Variants in ZNF330 observed in about 807,000 individuals in gnomAD.
ZNF330 encodes zinc finger protein 330.
In ZNF330, 31 loss-of-function variants were observed where a neutral mutation model predicts 45.5. The observed-to-expected ratio is 0.68, with a 90% CI of 0.51 to 0.92. The LOEUF (loss-of-function observed/expected upper bound fraction) is 0.92, where lower values mean the gene tolerates loss of function less well. ZNF330 is among the 40% of genes least tolerant of loss of function. The pLI is 0.00. For missense variants in ZNF330, 356 were observed against 387.4 expected (o/e 0.92, Z 0.68); for synonymous variants, 138 against 123.2 (o/e 1.12, Z -0.79).
At chr4:141,232,696 G>T in intron 9 of ZNF330, 54 bp downstream of exon 9, 20 of 926,062 alleles carry the variant, frequency 2.2e-5, no homozygotes, top group Non-Finnish European at 2.9e-5. Flanking sequence ...CTTAGACAAA[G>T]TTTATCTTTT....
chr4:141,229,015 C>T (rs1258382445), intron 5 of ZNF330, among the ~76,000 whole-genome samples: 2 of 151,908 alleles, frequency 1.3e-5, no homozygotes, highest in South Asian at 2.1e-4. Flanking sequence ...TATTTTACTT[C>T]AAATTTTTTC....
intron 3 of ZNF330, 41 bp from the exon 4 acceptor site, chr4:141,224,566 T>C (rs1480002967): frequency 1.2e-6 from 2 of 1,608,902 alleles, no homozygotes; most frequent in Non-Finnish European, 8.5e-7. Flanking sequence ...ACTTTTTATC[T>C]GACATTGACC....
At chr4:141,230,069 A>G in intron 6 of ZNF330, 97 bp from the exon 7 acceptor site, 1 of 887,336 alleles carries the variant, frequency 1.1e-6, no homozygotes, top group Non-Finnish European at 1.7e-6. Flanking sequence ...GTGTATCTCC[A>G]AAGTAACTTA....
intron 7 of ZNF330, among the ~76,000 whole-genome samples, chr4:141,231,017 A>G (rs1257116067): frequency 6.6e-6 from 1 of 152,050 alleles, no homozygotes; most frequent in Non-Finnish European, 1.5e-5. Flanking sequence ...TCTTCCTTTA[A>G]TTTGGTTCTT....
intron 7 of ZNF330, among the ~76,000 whole-genome samples, chr4:141,231,166 TA>T (rs1728944017): frequency 6.6e-6 from 1 of 152,126 alleles, no homozygotes. Flanking sequence ...ATTCTTGCAA[TA>T]TTTATATATA....
In ZNF330 at chr4:141,233,892, A is replaced by C; in HGVS notation, c.866A>C (p.Lys289Thr). 1.2e-6 allele frequency: 2 copies of C among 1,613,836 alleles called. No homozygotes were observed. Among genetic ancestry groups the C allele is most frequent in the East Asian group, 4.5e-5 (2 of 44,864 alleles). Residue 289 changes from lysine to threonine, a missense_variant, in exon 10 of 10, where the codon AAG (lysine) becomes ACG (threonine). By Grantham distance (78) the Lys-to-Thr change is moderately conservative (BLOSUM62 -1). Transcript: ENST00000262990. ...DDEEEEDEGRKDSDTESSDLF... is the reference protein window; with the variant it reads ...DDEEEEDEGRTDSDTESSDLF... ...GAAGAGGAAGAAGATGAAGGCAGAA[A>C]GGATTCAGATACTGAGTCATCAGAT...
At chr4:141,232,709 T>G (rs1267791055) in intron 9 of ZNF330, 67 bp downstream of exon 9, 1 of 878,662 alleles carries the variant, frequency 1.1e-6, no homozygotes, top group African/African-American at 1.7e-5. Flanking sequence ...TATCTTTTTT[T>G]TTTTTGGTCT....
At chr4:141,231,395 A>G (rs1728951636) in intron 7 of ZNF330, 44 bp from the exon 8 acceptor site, 3 of 1,559,972 alleles carry the variant, frequency 1.9e-6, no homozygotes, top group Non-Finnish European at 2.6e-6. Flanking sequence ...AGAAAATTCT[A>G]AGAACCAAAT....
chr4:141,223,690 A>C, intron 2 of ZNF330: 1 of 454,504 alleles, frequency 2.2e-6, no homozygotes. Context: ...AGAGGTTCTG[A>C]ATGACTGGCA....
At chr4:141,225,098 C>T (rs1488486417) in intron 4 of ZNF330, among the ~76,000 whole-genome samples, 1 of 151,906 alleles carries the variant, frequency 6.6e-6, no homozygotes, top group South Asian at 2.1e-4. Context: ...CCACATTTAC[C>T]TGGTACTTAT....
chr4:141,230,973 T>C (rs1728937229), intron 7 of ZNF330, among the ~76,000 whole-genome samples: 1 of 152,080 alleles, frequency 6.6e-6, no homozygotes, highest in Non-Finnish European at 1.5e-5. Flanking sequence ...GTAGTTACTA[T>C]TATAGGAAAA....
At position 141,233,753 on chromosome 4, in the gene ZNF330, G is replaced by A; in HGVS notation, c.727G>A (p.Glu243Lys). Reference sequence around the variant, plus strand: ...ATTTGGCAGGCAGACTGGAGGTGAAGAGGGAGATGGAGCTTCTGGGTATGA... The same window carrying A: ...ATTTGGCAGGCAGACTGGAGGTGAAAAGGGAGATGGAGCTTCTGGGTATGA... ...LKFGRQTGGE[E>K]GDGASGYDAY... Residue 243 changes from glutamate (E) to lysine (K), a missense_variant, in exon 10 of 10, where the codon GAG becomes AAG. Physicochemically the swap from Glu to Lys is moderately conservative, Grantham distance 56. Coordinates refer to ENST00000262990, the MANE Select transcript of ZNF330 (RefSeq NM_014487.6). The A allele has an allele frequency of 9.3e-6, 15 of 1,613,496 alleles. No homozygotes were observed. Among genetic ancestry groups the A allele is most frequent in the Non-Finnish European group, 1.3e-5 (15 of 1,179,670 alleles).
chr4:141,233,762 G>A lies in ZNF330; in HGVS notation c.736G>A (p.Gly246Arg), dbSNP rs748436686. Residue 246 changes from glycine to arginine, a missense_variant, in exon 10 of 10, where the codon GGA becomes AGA. Transcript: ENST00000262990. The stretch of plus-strand genomic sequence containing the variant: ...GCAGACTGGAGGTGAAGAGGGAGAT[G>A]GAGCTTCTGGGTATGATGCTTATTG... The part of the protein sequence containing the change: ...GRQTGGEEGD[G>R]ASGYDAYWKN... 5.0e-6 allele frequency: 8 copies of A among 1,613,436 alleles called. No individual in the cohort carries two copies. The Admixed American group carries it at 1.2e-4, about 24-fold the overall frequency.
chr4:141,225,768 T>C (rs913716208), intron 4 of ZNF330, among the ~76,000 whole-genome samples: 13 of 152,072 alleles, frequency 8.5e-5, no homozygotes, highest in Non-Finnish European at 1.6e-4. Flanking sequence ...CAAAAAGTAA[T>C]GAATGTAGAG....
At chr4:141,224,772 T>C (rs1338073724) in intron 4 of ZNF330, 95 bp downstream of exon 4, 1 of 1,007,804 alleles carries the variant, frequency 9.9e-7, no homozygotes, top group African/African-American at 1.6e-5. Flanking sequence ...TTACAGTGCT[T>C]ACAATTGTTG....
chr4:141,224,637 T>C lies in ZNF330; in HGVS notation c.171T>C (p.Phe57=), dbSNP rs1239419159. 1.2e-6 allele frequency: 2 copies of C among 1,613,698 alleles called. No individual in the cohort carries two copies. Among genetic ancestry groups the C allele is most frequent in the Admixed American group, 3.3e-5 (2 of 60,028 alleles). ...AGAAGAATAGAGCATTTTGCTACTT[T>C]TGTAATTCTGTACAGAAGTTACCAA... ...RRQKNRAFCY[F]CNSVQKLPIC... Residue 57 remains phenylalanine, a synonymous_variant, in exon 4 of 10, where the codon TTT becomes TTC. Transcript: ENST00000262990.
chr4:141,226,056 T>A (rs1728795971), intron 4 of ZNF330, among the ~76,000 whole-genome samples: 1 of 152,130 alleles, frequency 6.6e-6, no homozygotes, highest in Non-Finnish European at 1.5e-5. Flanking sequence ...GGATGATTAA[T>A]GTCATCATTA....
intron 9 of ZNF330, among the ~76,000 whole-genome samples, chr4:141,232,884 A>G (rs1468717454): frequency 2.0e-5 from 3 of 149,834 alleles, no homozygotes; most frequent in Non-Finnish European, 4.4e-5. Context: ...GACAGCAAAT[A>G]CTGAAATTTA....
chr4:141,232,701 T>TA, intron 9 of ZNF330, 59 bp downstream of exon 9: 1 of 928,466 alleles, frequency 1.1e-6, no homozygotes, highest in Non-Finnish European at 1.5e-6. Context: ...ACAAAGTTTA[T>TA]CTTTTTTTTT....
Sources: allele counts gnomAD v4.1 joint callset (sites outside exome capture counted in the v4.1 genomes callset), GRCh38; gene constraint gnomAD v4.1.1; transcripts MANE v1.5; gene names NCBI Gene and HGNC (gene_info 2026-07-23, HGNC 2026-07-21).